ATP5F1C: variants seen among roughly 807,000 people sequenced by gnomAD.
ATP5F1C encodes ATP synthase F(1) complex subunit gamma, mitochondrial.
Under a neutral mutation model 37.4 loss-of-function variants are expected in ATP5F1C, and 22 were observed. The observed-to-expected ratio is 0.59, with a 90% CI of 0.42 to 0.84. The LOEUF (loss-of-function observed/expected upper bound fraction) is 0.84, where lower values mean the gene tolerates loss of function less well. ATP5F1C is among the 40% of genes least tolerant of loss of function. The probability of loss-of-function intolerance (pLI) is 0.00; values close to 1 mark genes in which losing one functional copy is unlikely to be tolerated. For synonymous variants in ATP5F1C, 121 were observed against 128.0 expected (o/e 0.95, Z 0.37); for missense variants, 286 against 362.4 (o/e 0.79, Z 1.71).
At chr10:7,799,447 A>G in intron 4 of ATP5F1C, 1 of 559,512 alleles carries the variant, frequency 1.8e-6, no homozygotes, top group Non-Finnish European at 3.2e-6. Context: ...TGCCATGTGA[A>G]TATCAAAAGC....
intron 6 of ATP5F1C, among the ~76,000 whole-genome samples, chr10:7,802,003 G>A (rs1296659811): frequency 1.3e-5 from 2 of 152,180 alleles, no homozygotes; most frequent in African/African-American, 4.8e-5. Flanking sequence ...ATATAGTGCA[G>A]TTATTTCAAA....
At chr10:7,796,076 C>G in intron 1 of ATP5F1C, 45 bp from the exon 2 acceptor site, 13 of 1,490,072 alleles carry the variant, frequency 8.7e-6, no homozygotes, top group Non-Finnish European at 1.2e-5. Flanking sequence ...TATAATGGAA[C>G]TATTTTTCAA....
intron 8 of ATP5F1C, among the ~76,000 whole-genome samples, chr10:7,806,223 T>A (rs1836477292): frequency 6.6e-6 from 1 of 152,182 alleles, no homozygotes; most frequent in South Asian, 2.1e-4. Flanking sequence ...TTATTCTGAA[T>A]CAAGACTTGA....
intron 6 of ATP5F1C, 38 bp from the exon 7 acceptor site, chr10:7,802,232 C>A (rs932971): frequency 6.4e-7 from 1 of 1,562,108 alleles, no homozygotes. Flanking sequence ...CTATTCCTTC[C>A]ATATAACTTG....
At chr10:7,804,974 G>A (rs775631980) in intron 8 of ATP5F1C, among the ~76,000 whole-genome samples, 34 of 152,236 alleles carry the variant, frequency 2.2e-4, no homozygotes, top group Non-Finnish European at 4.0e-4. Flanking sequence ...AGCCAACAGA[G>A]ACCTTTGTGT....
At chr10:7,789,768 G>C (rs1471624628) in intron 1 of ATP5F1C, among the ~76,000 whole-genome samples, 1 of 152,166 alleles carries the variant, frequency 6.6e-6, no homozygotes, top group African/African-American at 2.4e-5. Flanking sequence ...CTTTAAAAAA[G>C]TGGAAATAGT....
intron 8 of ATP5F1C, among the ~76,000 whole-genome samples, chr10:7,805,716 C>T (rs1268877017): frequency 7.2e-6 from 1 of 138,398 alleles, no homozygotes; most frequent in Non-Finnish European, 1.5e-5. Context: ...CACTGCACTC[C>T]AGCCTGGGCA....
At chr10:7,807,378 T>C (rs11255369) in intron 9 of ATP5F1C, among the ~76,000 whole-genome samples, 7 of 152,300 alleles carry the variant, frequency 4.6e-5, no homozygotes, top group African/African-American at 1.7e-4. Flanking sequence ...ATTCATTTTG[T>C]TGTGATGTCA....
In ATP5F1C at chr10:7,802,429, A is replaced by G; in HGVS notation, c.793+4A>G. Reference sequence around the variant, plus strand: ...GACAATGCCAGCAAGAATGCTTGTAAGTACACAGTATGGACAGTGCCAGCA... The same window carrying G: ...GACAATGCCAGCAAGAATGCTTGTAGGTACACAGTATGGACAGTGCCAGCA... On this transcript the variant is annotated splice_donor_region_variant and intron_variant, in intron 7 of 9. Transcript: ENST00000356708. The G allele has an allele frequency of 6.2e-7, 1 of 1,611,220 alleles. No individual in the cohort carries two copies. Among genetic ancestry groups the G allele is most frequent in the South Asian group, 1.1e-5 (1 of 90,564 alleles).
Position 7,799,884 on chromosome 10 carries a change from G to A in ATP5F1C, c.541G>A (p.Asp181Asn). Residue 181 changes from aspartate to asparagine, a missense_variant, in exon 5 of 10, where the codon GAT (aspartate) becomes AAT (asparagine). Physicochemically the swap from Asp to Asn is conservative, Grantham distance 23. Transcript: ENST00000356708. The part of the protein sequence containing the change: ...LELLNSGYEF[D>N]EGSIIFNKFR... ...ATTACTAAATTCTGGATATGAATTT[G>A]ATGAAGGCTCCATCATCTTTAATAA... 1 of 1,614,116 alleles carries A rather than the reference G, an allele frequency of 6.2e-7. No homozygotes were observed. Among genetic ancestry groups the A allele is most frequent in the Admixed American group, 1.7e-5 (1 of 60,014 alleles).
intron 1 of ATP5F1C, among the ~76,000 whole-genome samples, chr10:7,792,268 CCT>C (rs371208786): frequency 6.6e-6 from 1 of 152,204 alleles, no homozygotes; most frequent in African/African-American, 2.4e-5. Flanking sequence ...TAAAACCAAA[CCT>C]AATATTTTTC....
In ATP5F1C at chr10:7,790,366, T is replaced by C. The variant is rs534082881; in HGVS notation, c.56+2103T>C. Among the ~76,000 whole-genome samples the C allele has an allele frequency of 7.2e-5, 11 of 152,304 alleles. No individual in the cohort carries two copies. In the East Asian group the frequency reaches 1.7e-3, roughly 24 times the overall value. Reference sequence around the variant, plus strand: ...AATAGTTGTTAGGGTATCGGCAAAATACTCTAACGTTTTGAAAATTAAACC... The same window carrying C: ...AATAGTTGTTAGGGTATCGGCAAAACACTCTAACGTTTTGAAAATTAAACC... On this transcript the variant is annotated intron_variant, in intron 1 of 9. Coordinates refer to ENST00000356708, the MANE Select transcript of ATP5F1C (RefSeq NM_001001973.3).
chr10:7,802,222 C>G (rs758498857), intron 6 of ATP5F1C, 48 bp from the exon 7 acceptor site: 17 of 1,541,308 alleles, frequency 1.1e-5, no homozygotes, highest in Admixed American at 4.1e-5. Context: ...TGATGAATTA[C>G]TATTCCTTCC....
At chr10:7,803,806 G>A (rs762453) in intron 8 of ATP5F1C, among the ~76,000 whole-genome samples, 51,343 of 152,064 alleles carry the variant, frequency 0.34, 8,788 homozygotes, top group South Asian at 0.44. Flanking sequence ...TAGATAAAAC[G>A]TGTAGTAAGT....
In ATP5F1C at chr10:7,807,783, T is replaced by G. The variant is rs1429630349; in HGVS notation, c.*155T>G. ...AAGATATTTGTAAATTATCTTAAAA[T>G]AAACAACTTAAAATAAAATCATTGT... On this transcript the variant is annotated 3_prime_UTR_variant, in exon 10 of 10. Transcript: ENST00000356708. 2 of 1,089,108 alleles carry G rather than the reference T, an allele frequency of 1.8e-6. No homozygotes were observed. The highest frequency in any genetic ancestry group is 3.2e-5 in the African/African-American group (2 of 62,952). 67.5% of individuals were successfully genotyped at this position (1,089,108 alleles called of 1,614,324 possible).
chr10:7,798,962 A>G (rs775142496), intron 3 of ATP5F1C, 28 bp from the exon 4 acceptor site: 2 of 1,600,574 alleles, frequency 1.2e-6, no homozygotes, highest in African/African-American at 1.3e-5. Flanking sequence ...TGCATATAAA[A>G]AAATTACTGC....
At chr10:7,792,901 A>ACT (rs1836183915) in intron 1 of ATP5F1C, among the ~76,000 whole-genome samples, 1 of 152,200 alleles carries the variant, frequency 6.6e-6, no homozygotes, top group Admixed American at 6.5e-5. Context: ...AGCTACCAGA[A>ACT]CATCTTCCCA....
chr10:7,807,052 AC>A, intron 9 of ATP5F1C, 42 bp downstream of exon 9: 3 of 1,548,736 alleles, frequency 1.9e-6, no homozygotes, highest in South Asian at 1.1e-5. Context: ...CAGAAAAGAA[AC>A]CTATTCAGAT....
At chr10:7,805,313 C>G (rs955137535) in intron 8 of ATP5F1C, among the ~76,000 whole-genome samples, 1 of 152,166 alleles carries the variant, frequency 6.6e-6, no homozygotes, top group Non-Finnish European at 1.5e-5. Context: ...GGGAAGGAAC[C>G]ACATTCTGAA....
Sources: gnomAD v4.1 joint callset for allele counts (sites outside exome capture counted in the v4.1 genomes callset) on GRCh38, gnomAD v4.1.1 for gene constraint, MANE v1.5 for transcripts, NCBI Gene and HGNC (gene_info 2026-07-23, HGNC 2026-07-21) for gene names.